Variants in LIN9 observed in about 807,000 individuals in gnomAD.
LIN9 encodes lin-9 DREAM MuvB core complex component, also known as protein lin-9 homolog.
Under a neutral mutation model 78.0 loss-of-function variants are expected in LIN9, and 18 were observed. That is an observed-to-expected ratio of 0.23 (90% confidence interval 0.16 to 0.34). LIN9 has a LOEUF of 0.34. Among genes scored for constraint, LIN9 ranks in the 10% least tolerant of loss-of-function variants. The probability of loss-of-function intolerance (pLI) is 1.00; values close to 1 mark genes in which losing one functional copy is unlikely to be tolerated. For synonymous variants in LIN9, 192 were observed against 215.2 expected (o/e 0.89, Z 0.94); for missense variants, 451 against 644.1 (o/e 0.70, Z 3.25).
In LIN9 at chr1:226,239,113, A is replaced by C. The variant is rs1184448837; in HGVS notation, c.1120-17T>G. 2 of 1,609,956 alleles carry C rather than the reference A, an allele frequency of 1.2e-6. No individual in the cohort carries two copies. Among genetic ancestry groups the C allele is most frequent in the Non-Finnish European group, 8.5e-7 (1 of 1,179,066 alleles). On this transcript the variant is annotated splice_polypyrimidine_tract_variant and intron_variant, in intron 11 of 14. Transcript: ENST00000681046. The stretch of plus-strand genomic sequence containing the variant: ...ATATGATTTCTGAGAAGAGAAAAAA[A>C]TCAGATCTTGGTAAGAGTTTGTTTT...
At chr1:226,278,792 C>A (rs1213158425) in intron 6 of LIN9, among the ~76,000 whole-genome samples, 1 of 147,558 alleles carries the variant, frequency 6.8e-6, no homozygotes, top group East Asian at 2.0e-4. Flanking sequence ...CCACTTCACT[C>A]CAGCCTGGGT....
intron 11 of LIN9, among the ~76,000 whole-genome samples, chr1:226,250,073 G>C (rs1276147017): frequency 6.6e-6 from 1 of 151,920 alleles, no homozygotes; most frequent in African/African-American, 2.4e-5. Flanking sequence ...GAGAGGCTGA[G>C]GCAGGCGAAT....
At chr1:226,260,219 G>A (rs1659476986) in intron 10 of LIN9, among the ~76,000 whole-genome samples, 1 of 152,164 alleles carries the variant, frequency 6.6e-6, no homozygotes, top group Non-Finnish European at 1.5e-5. Flanking sequence ...GATAGCACCA[G>A]GCCCAGATGG....
intron 8 of LIN9, 151 bp downstream of exon 8, chr1:226,267,806 G>C: frequency 1.4e-6 from 1 of 703,688 alleles, no homozygotes; most frequent in Non-Finnish European, 2.3e-6. Context: ...ATCCGAACCA[G>C]GGGTCTAGCA....
rs565393488 is a variant in LIN9, at chr1:226,246,688, G to A, written c.1119+4151C>T. 3.3e-5 allele frequency among the ~76,000 whole-genome samples: 5 copies of A among 151,508 alleles called. 1 individual carries two copies. In the South Asian group the frequency reaches 1.0e-3, roughly 32 times the overall value. ...GGCGCCTGTAGTCCCAGCTACTTGG[G>A]AGGCTAAGGCAGGAGAATGGTGTGA... On this transcript the variant is annotated intron_variant, in intron 11 of 14. Transcript: ENST00000681046.
chr1:226,245,886 G>T (rs1424926865), intron 11 of LIN9, among the ~76,000 whole-genome samples: 2 of 152,116 alleles, frequency 1.3e-5, no homozygotes, highest in Non-Finnish European at 2.9e-5. Context: ...CATTTTTATT[G>T]TTCCATTTCC....
chr1:226,262,059 G>A (rs1434452384), intron 10 of LIN9, among the ~76,000 whole-genome samples: 1 of 152,170 alleles, frequency 6.6e-6, no homozygotes, highest in African/African-American at 2.4e-5. Context: ...AAATGGTGCT[G>A]CAACAACTGG....
chr1:226,234,893 ATT>A (rs558971569), intron 12 of LIN9, among the ~76,000 whole-genome samples: 68 of 134,310 alleles, frequency 5.1e-4, no homozygotes, highest in Middle Eastern at 3.9e-3. Flanking sequence ...GTTATCCTAA[ATT>A]TTTTTTTTTT....
At chr1:226,267,746 G>A (rs1660023324) in intron 8 of LIN9, among the ~76,000 whole-genome samples, 1 of 152,158 alleles carries the variant, frequency 6.6e-6, no homozygotes, top group Non-Finnish European at 1.5e-5. Flanking sequence ...GTGTCGTTAA[G>A]GTCCAACAGA....
chr1:226,282,777 T>C (rs1661149301), intron 6 of LIN9, among the ~76,000 whole-genome samples: 1 of 152,100 alleles, frequency 6.6e-6, no homozygotes, highest in Admixed American at 6.6e-5. Context: ...GCCAAGATCG[T>C]GCCACTGCAC....
intron 11 of LIN9, among the ~76,000 whole-genome samples, chr1:226,243,145 T>G (rs949579423): frequency 6.6e-6 from 1 of 152,246 alleles, no homozygotes; most frequent in African/African-American, 2.4e-5. Context: ...ACATCAAAAT[T>G]TAAATTTTCT....
intron 10 of LIN9, among the ~76,000 whole-genome samples, chr1:226,264,557 T>C (rs1322664417): frequency 6.6e-6 from 1 of 151,424 alleles, no homozygotes; most frequent in African/African-American, 2.4e-5. Flanking sequence ...TTTATAAAGA[T>C]CATATCAGCC....
chr1:226,309,394 GGAGGCCGCACGGC>G (rs1358369232), upstream of LIN9: 74 of 991,690 alleles, frequency 7.5e-5, no homozygotes, highest in Admixed American at 1.8e-4. Context: ...AAGGGAGGAA[GGAGGCCGCACGGC>G]GAGGCCCGGC....
Position 226,250,992 on chromosome 1 carries a change from A to G in LIN9, c.1039-73T>C, listed in dbSNP as rs373150146. Reference sequence around the variant, plus strand: ...ATATTGGTTAGACATTAAATTTCCAATATTTTAGTAAGATACTTCAGCAAT... The same window carrying G: ...ATATTGGTTAGACATTAAATTTCCAGTATTTTAGTAAGATACTTCAGCAAT... On this transcript the variant is annotated intron_variant, in intron 10 of 14. Transcript: ENST00000681046. 6.6e-5 allele frequency: 47 copies of G among 714,024 alleles called. No homozygotes were observed. The African/African-American group carries it at 6.6e-4, about 10-fold the overall frequency. 44.2% of individuals were successfully genotyped at this position (714,024 alleles called of 1,614,324 possible). A position where few individuals can be genotyped will look rare whatever the true frequency, so the allele number is the denominator to read the frequency against.
intron 10 of LIN9, among the ~76,000 whole-genome samples, chr1:226,256,732 G>T (rs1215851279): frequency 6.6e-6 from 1 of 151,140 alleles, no homozygotes; most frequent in African/African-American, 2.4e-5. Context: ...CTAATTTTTT[G>T]TATTTTTAGT....
chr1:226,290,506 A>AATTTTTTGT, intron 4 of LIN9, among the ~76,000 whole-genome samples: 1 of 151,560 alleles, frequency 6.6e-6, no homozygotes, highest in Admixed American at 6.6e-5. Context: ...ACGCCCGGCT[A>AATTTTTTGT]ATTTTTTGTA....
intron 11 of LIN9, among the ~76,000 whole-genome samples, chr1:226,243,911 G>A (rs1658290414): frequency 6.6e-6 from 1 of 150,868 alleles, no homozygotes; most frequent in Non-Finnish European, 1.5e-5. Flanking sequence ...GTCTTGCTCT[G>A]TCGCCCAGGC....
chr1:226,232,426 T>C lies in LIN9; in HGVS notation c.*75A>G. 1 of 908,312 alleles carries C rather than the reference T, an allele frequency of 1.1e-6. No individual in the cohort carries two copies. Among genetic ancestry groups the C allele is most frequent in the Admixed American group, 2.2e-5 (1 of 44,786 alleles). The allele number at this position is 908,312 out of a possible 1,614,324, so 56.3% of individuals were successfully genotyped here. Reference sequence around the variant, plus strand: ...GTTTTCCAGCAGTTAGGTTATTTGGTGTTGGAAGCCTATATAAAGGAAAAG... The same window carrying C: ...GTTTTCCAGCAGTTAGGTTATTTGGCGTTGGAAGCCTATATAAAGGAAAAG... On this transcript the variant is annotated 3_prime_UTR_variant, in exon 15 of 15. Coordinates refer to ENST00000681046, the MANE Select transcript of LIN9 (RefSeq NM_001366245.2).
intron 4 of LIN9, among the ~76,000 whole-genome samples, chr1:226,289,849 G>GGGC (rs1661633946): frequency 1.4e-5 from 1 of 73,610 alleles, no homozygotes; most frequent in East Asian, 5.4e-4. Flanking sequence ...GGGGGGGTGG[G>GGGC]GGGGGGTGGG....
Sources: gnomAD v4.1 joint callset for allele counts (sites outside exome capture counted in the v4.1 genomes callset) on GRCh38, gnomAD v4.1.1 for gene constraint, MANE v1.5 for transcripts, NCBI Gene and HGNC (gene_info 2026-07-23, HGNC 2026-07-21) for gene names.